The following LRRTM3 variants were observed in gnomAD, a reference collection of about 807,000 sequenced individuals.
The protein encoded by LRRTM3 is leucine rich repeat transmembrane neuronal 3, also known as leucine-rich repeat transmembrane neuronal protein 3.
LRRTM3 carries 24 observed loss-of-function variants against 44.7 expected under a neutral mutation model. The ratio of observed to expected loss-of-function variants is 0.54; its 90% confidence interval spans 0.39 to 0.76. The LOEUF (loss-of-function observed/expected upper bound fraction) is 0.76, where lower values mean the gene tolerates loss of function less well. Ranked by LOEUF, LRRTM3 falls within the 30% of genes least tolerant of loss-of-function variation. The pLI, the probability that LRRTM3 is intolerant of heterozygous loss-of-function variation, is 0.00. For synonymous variants in LRRTM3, 277 were observed against 278.7 expected (o/e 0.99, Z 0.06); for missense variants, 587 against 702.2 (o/e 0.84, Z 1.85).
At position 66,998,773 on chromosome 10, in the gene LRRTM3, A is replaced by C. The variant is rs1485525130; in HGVS notation, c.1536+70321A>C. 2.6e-5 allele frequency among the ~76,000 whole-genome samples: 4 copies of C among 152,176 alleles called. No homozygotes were observed. The East Asian group carries it at 7.7e-4, about 29-fold the overall frequency. ...CAACAATAATGGGAGATTTCAATGC[A>C]CTTTTCTTATAACTGATACATCAGG... On this transcript the variant is annotated intron_variant, in intron 2 of 2. Coordinates refer to ENST00000361320, the MANE Select transcript of LRRTM3 (RefSeq NM_178011.5).
intron 2 of LRRTM3, among the ~76,000 whole-genome samples, chr10:67,084,675 A>T (rs142241867): frequency 5.3e-4 from 81 of 151,994 alleles, no homozygotes; most frequent in Middle Eastern, 6.8e-3. Flanking sequence ...TTTATAATGG[A>T]CACTTAAATA....
In LRRTM3 at chr10:67,043,692, C is replaced by G. The variant is rs140263922; in HGVS notation, c.1537-53895C>G. On this transcript the variant is annotated intron_variant, in intron 2 of 2. Coordinates refer to ENST00000361320, the MANE Select transcript of LRRTM3 (RefSeq NM_178011.5). ...GCCTACCCTTTAATCTCCCACTGCT[C>G]CTAAAAAGGAATCATCCATCTTTAT... 8.9e-4 allele frequency among the ~76,000 whole-genome samples: 136 copies of G among 152,194 alleles called. 3 individuals are homozygous for G. The highest frequency in any genetic ancestry group is 3.2e-3 in the African/African-American group (132 of 41,548).
intron 2 of LRRTM3, among the ~76,000 whole-genome samples, chr10:66,945,565 A>T (rs1848230929): frequency 6.6e-6 from 1 of 152,166 alleles, no homozygotes; most frequent in Non-Finnish European, 1.5e-5. Context: ...TTGGTTTCTT[A>T]TCATTCATGT....
chr10:67,047,442 T>C (rs1384396750), intron 2 of LRRTM3, among the ~76,000 whole-genome samples: 1 of 152,038 alleles, frequency 6.6e-6, no homozygotes, highest in Non-Finnish European at 1.5e-5. Context: ...AGAAAAACAT[T>C]AAGGAAAGGA....
At chr10:67,028,472 C>A (rs1342966632) in intron 2 of LRRTM3, among the ~76,000 whole-genome samples, 2 of 151,556 alleles carry the variant, frequency 1.3e-5, no homozygotes, top group African/African-American at 4.8e-5. Context: ...GAAGGTAGTA[C>A]TTGAGAGTGG....
At chr10:66,978,073 C>T (rs1257503679) in intron 2 of LRRTM3, among the ~76,000 whole-genome samples, 48 of 88,854 alleles carry the variant, frequency 5.4e-4, no homozygotes, top group Admixed American at 1.3e-3. Flanking sequence ...TATATACACA[C>T]ACACACACAC....
intron 2 of LRRTM3, among the ~76,000 whole-genome samples, chr10:66,943,732 G>A (rs913043553): frequency 2.6e-5 from 4 of 152,052 alleles, no homozygotes; most frequent in African/African-American, 7.2e-5. Context: ...TTTCAGGTTT[G>A]GTTCCAGAAC....
intron 2 of LRRTM3, among the ~76,000 whole-genome samples, chr10:67,079,859 ACAC>A (rs1856956898): frequency 3.2e-4 from 1 of 3,152 alleles, no homozygotes; most frequent in East Asian, 0.017. Flanking sequence ...AAAAAACAAA[ACAC>A]ACACACACAC....
chr10:67,008,074 TTTC>T (rs1217869286), intron 2 of LRRTM3, among the ~76,000 whole-genome samples: 1 of 151,956 alleles, frequency 6.6e-6, no homozygotes. Context: ...ATGTTTCTTT[TTTC>T]TTGTTTTTTT....
chr10:66,933,636 G>C (rs1203484059), intron 2 of LRRTM3, among the ~76,000 whole-genome samples: 1 of 152,136 alleles, frequency 6.6e-6, no homozygotes, highest in East Asian at 1.9e-4. Flanking sequence ...GGCCACTCCA[G>C]TGGAAGACTG....
intron 2 of LRRTM3, among the ~76,000 whole-genome samples, chr10:66,995,500 C>T (rs1451073885): frequency 2.6e-5 from 4 of 152,282 alleles, no homozygotes; most frequent in Middle Eastern, 3.4e-3. Context: ...TTTTAAAACA[C>T]GAAGCAGATA....
At chr10:66,933,888 C>T (rs1356439842) in intron 2 of LRRTM3, among the ~76,000 whole-genome samples, 2 of 152,090 alleles carry the variant, frequency 1.3e-5, no homozygotes, top group Admixed American at 6.6e-5. Flanking sequence ...TTTAAGAAGA[C>T]ACAGACTGTT....
At chr10:67,004,654 C>G (rs927154318) in intron 2 of LRRTM3, among the ~76,000 whole-genome samples, 5 of 152,106 alleles carry the variant, frequency 3.3e-5, no homozygotes, top group Admixed American at 2.0e-4. Flanking sequence ...ATGGCATTGG[C>G]AAGTAGTTGA....
intron 2 of LRRTM3, among the ~76,000 whole-genome samples, chr10:66,940,821 T>C (rs1401774036): frequency 6.6e-6 from 1 of 152,202 alleles, no homozygotes; most frequent in East Asian, 1.9e-4. Flanking sequence ...AGTTTGTATT[T>C]CAACTGTACC....
chr10:66,971,057 T>C (rs751124159), intron 2 of LRRTM3, among the ~76,000 whole-genome samples: 3 of 152,112 alleles, frequency 2.0e-5, no homozygotes, highest in Non-Finnish European at 4.4e-5. Context: ...CCCCTTTGAA[T>C]CATCTTAAAG....
intron 2 of LRRTM3, among the ~76,000 whole-genome samples, chr10:67,069,608 T>G (rs567500520): frequency 1.8e-5 from 2 of 110,094 alleles, no homozygotes; most frequent in East Asian, 6.3e-4. Context: ...GAGTAAACAC[T>G]ATCCTGACCT....
chr10:66,941,712 C>A (rs1484050679), intron 2 of LRRTM3, among the ~76,000 whole-genome samples: 1 of 152,136 alleles, frequency 6.6e-6, no homozygotes, highest in African/African-American at 2.4e-5. Flanking sequence ...ACCGCACTGC[C>A]CGTGCCAGCC....
At chr10:67,033,505 G>A (rs542037400) in intron 2 of LRRTM3, among the ~76,000 whole-genome samples, 7 of 152,228 alleles carry the variant, frequency 4.6e-5, no homozygotes, top group East Asian at 3.9e-4. Context: ...ACCAATACAC[G>A]ATGTAAATAA....
chr10:67,063,925 A>T (rs1207202558), intron 2 of LRRTM3, among the ~76,000 whole-genome samples: 1 of 152,170 alleles, frequency 6.6e-6, no homozygotes, highest in Non-Finnish European at 1.5e-5. Context: ...TTATGGGTGC[A>T]TTTACCTTCT....
Sources: allele counts gnomAD v4.1 joint callset (sites outside exome capture counted in the v4.1 genomes callset), GRCh38; gene constraint gnomAD v4.1.1; transcripts MANE v1.5; gene names NCBI Gene and HGNC (gene_info 2026-07-23, HGNC 2026-07-21).